The following NDUFAF5 variants were observed in gnomAD, a reference collection of about 807,000 sequenced individuals.
The protein encoded by NDUFAF5 is NADH:ubiquinone oxidoreductase complex assembly factor 5.
A neutral mutation model predicts 48.9 loss-of-function variants in NDUFAF5; 34 were observed. That is an observed-to-expected ratio of 0.70 (90% CI 0.53 to 0.93). The LOEUF (loss-of-function observed/expected upper bound fraction) is 0.93. Among genes scored for constraint, NDUFAF5 ranks in the 40% least tolerant of loss-of-function variants. The probability of loss-of-function intolerance (pLI) is 0.00; values close to 1 mark genes in which losing one functional copy is unlikely to be tolerated. For synonymous variants in NDUFAF5, 153 were observed against 150.6 expected, an observed-to-expected ratio of 1.02 and a Z score of -0.12; for missense variants, 428 against 427.5, an observed-to-expected ratio of 1.00 and a Z score of -0.01.
At chr20:13,792,970 C>G (rs531600934) in intron 3 of NDUFAF5, among the ~76,000 whole-genome samples, 1 of 152,314 alleles carries the variant, frequency 6.6e-6, no homozygotes, top group East Asian at 1.9e-4. Context: ...GTTGAATACG[C>G]ATACTCATGT....
At chr20:13,798,527 A>C (rs764525037) in intron 6 of NDUFAF5, 27 bp downstream of exon 6, 1 of 1,542,032 alleles carries the variant, frequency 6.5e-7, no homozygotes, top group Admixed American at 1.7e-5. Flanking sequence ...TCATTCAACT[A>C]TCTTGTGTTA....
Position 13,820,375 on chromosome 20 carries a change from A to G in NDUFAF5, c.*3165A>G, listed in dbSNP as rs1384103784. 1 of 152,152 alleles carries G rather than the reference A, an allele frequency of 6.6e-6. No homozygotes were observed. Among genetic ancestry groups the G allele is most frequent in the East Asian group, 1.9e-4 (1 of 5,186 alleles). 9.4% of individuals were successfully genotyped at this position (152,152 alleles called of 1,614,324 possible). On this transcript the variant is annotated 3_prime_UTR_variant, in exon 11 of 11. Coordinates refer to ENST00000378106, the MANE Select transcript of NDUFAF5 (RefSeq NM_024120.5). ...TTTCATCCACTAGGTGGAAGCAATTACAGTATGACCTGCATTAAAGACATG... is the reference window on the plus strand; with the variant it reads ...TTTCATCCACTAGGTGGAAGCAATTGCAGTATGACCTGCATTAAAGACATG...
intron 8 of NDUFAF5, among the ~76,000 whole-genome samples, chr20:13,809,705 G>C (rs1397186590): frequency 6.6e-6 from 1 of 152,218 alleles, no homozygotes. Flanking sequence ...GAAAAGAGTA[G>C]ATTGGCAGAT....
Position 13,816,538 on chromosome 20 carries a change from TG to T in NDUFAF5, c.855del (p.Tyr286ThrfsTer21). The T allele has an allele frequency of 6.2e-7, 1 of 1,613,786 alleles. No individual in the cohort carries two copies. The highest frequency in any genetic ancestry group is 8.5e-7 in the Non-Finnish European group (1 of 1,179,802). On this transcript the variant is annotated frameshift_variant, in exon 9 of 11. Coordinates refer to ENST00000378106, the MANE Select transcript of NDUFAF5 (RefSeq NM_024120.5). LOFTEE classifies it high-confidence loss of function. The stretch of plus-strand genomic sequence containing the variant: ...GACACAATGCTGGCAGCTGCGGCAG[TG>T]TACAGAGGTAAGGGGCGACCACTCT... ...HRDTMLAAAA[V>X]YREMYRNEDG...
chr20:13,813,390 GAA>G (rs1332764116), intron 8 of NDUFAF5, among the ~76,000 whole-genome samples: 1 of 152,178 alleles, frequency 6.6e-6, no homozygotes, highest in Non-Finnish European at 1.5e-5. Context: ...AATATTAAGA[GAA>G]ATTATTTACA....
intron 6 of NDUFAF5, 110 bp from the exon 7 acceptor site, chr20:13,801,376 C>G: frequency 1.6e-6 from 1 of 611,952 alleles, no homozygotes; most frequent in Non-Finnish European, 2.7e-6. Context: ...ATTAATTTGG[C>G]AGAATAAAAG....
At chr20:13,816,702 G>T in intron 9 of NDUFAF5, 156 bp downstream of exon 9, 1 of 774,342 alleles carries the variant, frequency 1.3e-6, no homozygotes. Context: ...GCTTTTTCCA[G>T]ACAGCCTTTA....
intron 7 of NDUFAF5, chr20:13,803,453 T>G (rs886598754): frequency 6.6e-6 from 1 of 152,252 alleles, no homozygotes. Context: ...ATATTTGTAA[T>G]TGTATAAGTA....
At chr20:13,794,343 G>A (rs561022147) in intron 4 of NDUFAF5, among the ~76,000 whole-genome samples, 15 of 151,700 alleles carry the variant, frequency 9.9e-5, no homozygotes, top group Admixed American at 4.6e-4. Context: ...GCAGTGGTGC[G>A]ATCTCAGCTC....
intron 4 of NDUFAF5, among the ~76,000 whole-genome samples, chr20:13,793,550 A>T (rs1305161222): frequency 6.6e-6 from 1 of 152,094 alleles, no homozygotes; most frequent in African/African-American, 2.4e-5. Flanking sequence ...CAGTGAATTT[A>T]TACTTATGTG....
At position 13,793,199 on chromosome 20, in the gene NDUFAF5, T is replaced by A. The variant is rs896957692; in HGVS notation, c.347T>A (p.Phe116Tyr). ...YLNKETIGKF[F>Y]QADIAENALK... ...TTGCAGGAAACTATTGGAAAGTTTT[T>A]CCAAGCTGACATTGCAGAAAATGCT... Residue 116 changes from phenylalanine (F) to tyrosine (Y), a missense_variant, in exon 4 of 11, where the codon TTC (phenylalanine) becomes TAC (tyrosine). Transcript: ENST00000378106. The A allele has an allele frequency of 1.2e-6, 2 of 1,614,014 alleles. No homozygotes were observed. Among genetic ancestry groups the A allele is most frequent in the African/African-American group, 2.7e-5 (2 of 75,068 alleles).
At chr20:13,815,084 AT>A (rs1245598226) in intron 8 of NDUFAF5, among the ~76,000 whole-genome samples, 1 of 152,164 alleles carries the variant, frequency 6.6e-6, no homozygotes, top group African/African-American at 2.4e-5. Context: ...GCATTTTAGA[AT>A]TTCTAGTGCA....
rs1030565384 is a variant in NDUFAF5, at chr20:13,817,509, A to T, written c.*299A>T. On this transcript the variant is annotated 3_prime_UTR_variant, in exon 11 of 11. Transcript: ENST00000378106. ...GTAAATGCCTTGGAAAATATTACTC[A>T]TGCTGACCTTTTACACCTTTTTCAT... 1.4e-5 allele frequency: 7 copies of T among 512,698 alleles called. No individual in the cohort carries two copies. The highest frequency in any genetic ancestry group is 1.1e-4 in the African/African-American group (6 of 52,312). 31.8% of individuals were successfully genotyped at this position (512,698 alleles called of 1,614,324 possible). A position where few individuals can be genotyped will look rare whatever the true frequency, so the allele number is the denominator to read the frequency against.
intron 8 of NDUFAF5, among the ~76,000 whole-genome samples, chr20:13,813,503 C>T (rs1396491749): frequency 2.0e-5 from 3 of 152,162 alleles, no homozygotes; most frequent in Admixed American, 6.5e-5. Context: ...GTGCCAACCA[C>T]GGAGCCAGTG....
intron 5 of NDUFAF5, among the ~76,000 whole-genome samples, chr20:13,796,634 A>G (rs749108348): frequency 9.9e-5 from 15 of 152,170 alleles, no homozygotes; most frequent in Non-Finnish European, 2.1e-4. Flanking sequence ...GACTGGGAAT[A>G]TGACTTTCGC....
chr20:13,792,945 T>C (rs1982537486), intron 3 of NDUFAF5, among the ~76,000 whole-genome samples: 1 of 152,194 alleles, frequency 6.6e-6, no homozygotes, highest in African/African-American at 2.4e-5. Context: ...TCACCCAGTG[T>C]AGTAAATTCG....
intron 8 of NDUFAF5, 58 bp from the exon 9 acceptor site, chr20:13,816,405 A>G: frequency 8.7e-7 from 1 of 1,146,162 alleles, no homozygotes; most frequent in East Asian, 2.3e-5. Context: ...AGTCTGTGGT[A>G]TTGAGCTGTT....
chr20:13,787,486 G>C (rs1981389099), intron 2 of NDUFAF5, 134 bp downstream of exon 2: 4 of 854,504 alleles, frequency 4.7e-6, no homozygotes, highest in Non-Finnish European at 8.1e-6. Flanking sequence ...AAATCACTCT[G>C]TAAGTCTCCT....
chr20:13,810,311 GGAAA>G (rs1319463406), intron 8 of NDUFAF5, among the ~76,000 whole-genome samples: 1 of 152,140 alleles, frequency 6.6e-6, no homozygotes, highest in Non-Finnish European at 1.5e-5. Flanking sequence ...CTGAACCAAA[GGAAA>G]GAAAGAATGT....
Sources: allele counts gnomAD v4.1 joint callset (sites outside exome capture counted in the v4.1 genomes callset), GRCh38; gene constraint gnomAD v4.1.1; transcripts MANE v1.5; gene names NCBI Gene and HGNC (gene_info 2026-07-23, HGNC 2026-07-21).